The following SPIDR variants were observed in gnomAD, a reference collection of about 807,000 sequenced individuals.
SPIDR encodes the protein scaffold protein involved in DNA repair.
SPIDR carries 93 observed loss-of-function variants against 104.6 expected under a neutral mutation model. That is an observed-to-expected ratio of 0.89 (90% CI 0.75 to 1.06). The LOEUF (loss-of-function observed/expected upper bound fraction) is 1.06, where lower values mean the gene tolerates loss of function less well. SPIDR is among the 50% of genes least tolerant of loss of function. The pLI, the probability that SPIDR is intolerant of heterozygous loss-of-function variation, is 0.00. For missense variants in SPIDR, 1,154 were observed against 1,111.2 expected (o/e 1.04, Z -0.55); for synonymous variants, 431 against 416.9 (o/e 1.03, Z -0.41).
chr8:47,633,573 AC>A (rs2067415398), intron 10 of SPIDR, among the ~76,000 whole-genome samples: 1 of 151,044 alleles, frequency 6.6e-6, no homozygotes, highest in African/African-American at 2.4e-5. Context: ...AAAAAAAAAA[AC>A]AAAAACCAAG....
intron 10 of SPIDR, among the ~76,000 whole-genome samples, chr8:47,649,983 C>T (rs1447196631): frequency 1.3e-5 from 2 of 152,118 alleles, no homozygotes; most frequent in East Asian, 1.9e-4. Context: ...CCGTATATGA[C>T]GAACCCACAG....
intron 10 of SPIDR, among the ~76,000 whole-genome samples, chr8:47,606,901 G>A (rs1025801400): frequency 6.6e-5 from 10 of 152,266 alleles, no homozygotes; most frequent in Middle Eastern, 3.4e-3. Flanking sequence ...ACATTCCTTC[G>A]CTGTAACGGT....
Position 47,608,772 on chromosome 8 carries a change from G to A in SPIDR, c.1544+9576G>A, listed in dbSNP as rs140281718. On this transcript the variant is annotated intron_variant, in intron 10 of 19. Coordinates refer to ENST00000297423, the MANE Select transcript of SPIDR (RefSeq NM_001080394.4). ...TGGAGTCTCGCTCTGTCGCCAGGGC[G>A]GAGTGCAGTGGCACGATCTCAGCTC... 1.7e-3 allele frequency among the ~76,000 whole-genome samples: 260 copies of A among 152,158 alleles called. 1 individual carries two copies. Among genetic ancestry groups the A allele is most frequent in the Non-Finnish European group, 3.1e-3 (209 of 67,996 alleles).
At chr8:47,611,978 T>G (rs539400565) in intron 10 of SPIDR, among the ~76,000 whole-genome samples, 1 of 152,308 alleles carries the variant, frequency 6.6e-6, no homozygotes, top group South Asian at 2.1e-4. Flanking sequence ...AAGGCAACTG[T>G]GTGAGGCCTT....
At chr8:47,475,178 A>G (rs1554723051) in intron 8 of SPIDR, among the ~76,000 whole-genome samples, 1 of 152,196 alleles carries the variant, frequency 6.6e-6, no homozygotes, top group Non-Finnish European at 1.5e-5. Flanking sequence ...TGCAGCTCAG[A>G]AGATGAATGT....
At chr8:47,726,311 A>G (rs992262913) in intron 16 of SPIDR, among the ~76,000 whole-genome samples, 1 of 152,258 alleles carries the variant, frequency 6.6e-6, no homozygotes, top group African/African-American at 2.4e-5. Flanking sequence ...CTCTAAAGAT[A>G]AATTTTCTCC....
chr8:47,353,052 CAAAAAA>C (rs57853552), intron 5 of SPIDR, among the ~76,000 whole-genome samples: 4 of 75,560 alleles, frequency 5.3e-5, no homozygotes, highest in Non-Finnish European at 9.4e-5. Context: ...GACTCTATCT[CAAAAAA>C]AAAAAAAAAA....
At chr8:47,635,090 T>C (rs1238208619) in intron 10 of SPIDR, among the ~76,000 whole-genome samples, 2 of 151,850 alleles carry the variant, frequency 1.3e-5, no homozygotes, top group Admixed American at 6.6e-5. Context: ...TATAAAGATA[T>C]AGTTATAGGC....
intron 8 of SPIDR, among the ~76,000 whole-genome samples, chr8:47,536,736 T>C (rs921383543): frequency 1.2e-4 from 19 of 152,252 alleles, no homozygotes; most frequent in African/African-American, 4.6e-4. Flanking sequence ...AGAGAAAAAG[T>C]TTACAAGATG....
chr8:47,578,458 C>T (rs1042100958), intron 8 of SPIDR, among the ~76,000 whole-genome samples: 33 of 151,462 alleles, frequency 2.2e-4, no homozygotes, highest in South Asian at 2.1e-4. Flanking sequence ...GGCAGCAGAG[C>T]GAGACTCCAT....
intron 9 of SPIDR, among the ~76,000 whole-genome samples, chr8:47,596,891 A>T (rs2061681506): frequency 6.6e-6 from 1 of 151,918 alleles, no homozygotes; most frequent in South Asian, 2.1e-4. Context: ...AAACATACAC[A>T]ATAGCCTAGA....
At chr8:47,519,496 G>A (rs2083694042) in intron 8 of SPIDR, among the ~76,000 whole-genome samples, 1 of 152,182 alleles carries the variant, frequency 6.6e-6, no homozygotes, top group Admixed American at 6.5e-5. Flanking sequence ...GATGGCTTTG[G>A]TCAAGCGCAG....
intron 8 of SPIDR, chr8:47,592,320 C>T: frequency 8.9e-7 from 1 of 1,126,216 alleles, no homozygotes; most frequent in African/African-American, 1.5e-5. Flanking sequence ...GTGCTGGGGA[C>T]CAGTTACCTT....
intron 7 of SPIDR, among the ~76,000 whole-genome samples, chr8:47,431,385 G>A (rs1460174263): frequency 6.6e-6 from 1 of 152,186 alleles, no homozygotes; most frequent in Non-Finnish European, 1.5e-5. Context: ...ACACACCCCT[G>A]TTGTTTGGCT....
chr8:47,455,233 A>G (rs1378643611), intron 8 of SPIDR, among the ~76,000 whole-genome samples: 1 of 152,166 alleles, frequency 6.6e-6, no homozygotes, highest in African/African-American at 2.4e-5. Context: ...ATCAGAATAA[A>G]AAGGGAGGGG....
chr8:47,577,848 G>C (rs2059295706), intron 8 of SPIDR, among the ~76,000 whole-genome samples: 1 of 152,164 alleles, frequency 6.6e-6, no homozygotes, highest in Non-Finnish European at 1.5e-5. Flanking sequence ...TCAAAGTCTG[G>C]AGGTGGGACC....
intron 5 of SPIDR, among the ~76,000 whole-genome samples, chr8:47,331,989 C>CTTTTTTTTTTTTTTTTTTTTTTTTTTT (rs1289524835): frequency 8.3e-5 from 3 of 36,322 alleles, no homozygotes; most frequent in Non-Finnish European, 1.1e-4. Flanking sequence ...TTTTTTTTCT[C>CTTTTTTTTTTTTTTTTTTTTTTTTTTT]TTTTTTTTTT....
At chr8:47,363,801 G>T (rs1357937272) in intron 5 of SPIDR, among the ~76,000 whole-genome samples, 1 of 151,566 alleles carries the variant, frequency 6.6e-6, no homozygotes, top group South Asian at 2.1e-4. Context: ...GTGGTGGCCA[G>T]CTACCAGAGT....
chr8:47,416,134 C>T (rs782793610), intron 7 of SPIDR, among the ~76,000 whole-genome samples: 5 of 152,168 alleles, frequency 3.3e-5, no homozygotes, highest in Non-Finnish European at 5.9e-5. Flanking sequence ...ATCTCAGCTA[C>T]GCAGGAGGCT....
Sources: gnomAD v4.1 joint callset for allele counts (sites outside exome capture counted in the v4.1 genomes callset) on GRCh38, gnomAD v4.1.1 for gene constraint, MANE v1.5 for transcripts, NCBI Gene and HGNC (gene_info 2026-07-23, HGNC 2026-07-21) for gene names.